Variants in RBFOX1 observed in about 807,000 individuals in gnomAD.
The protein encoded by RBFOX1 is RNA binding fox-1 homolog 1.
RBFOX1 carries 8 observed loss-of-function variants against 57.7 expected under a neutral mutation model. That is an observed-to-expected ratio of 0.14 (90% CI 0.08 to 0.25). The LOEUF is 0.25. Ranked by LOEUF, RBFOX1 falls within the 10% of genes least tolerant of loss-of-function variation. The pLI is 1.00. For missense variants in RBFOX1, 611 were observed against 548.5 expected, an observed-to-expected ratio of 1.11 and a Z score of -1.14; for synonymous variants, 326 against 222.4, an observed-to-expected ratio of 1.47 and a Z score of -4.15.
rs182102940 is a variant in RBFOX1 at position 5,271,082 on chromosome 16, T to A, written c.219+30977T>A. On this transcript the variant is annotated intron_variant, in intron 1 of 2. Coordinates refer to the RBFOX1 transcript ENST00000585867. ...CCTGTAATCCTAGCTACTCAGGAGGTTGAGGCATGAGAATCACTTGAACCT... is the reference window on the plus strand; with the variant it reads ...CCTGTAATCCTAGCTACTCAGGAGGATGAGGCATGAGAATCACTTGAACCT... 301 of 178,550 alleles carry A rather than the reference T, an allele frequency of 1.7e-3. 2 individuals are homozygous for A. Among genetic ancestry groups the A allele is most frequent in the African/African-American group, 7.6e-3 (284 of 37,500 alleles). The allele number at this position is 178,550 out of a possible 1,614,324, so 11.1% of individuals were successfully genotyped here.
At chr16:6,723,285 C>T (rs2066414702) in intron 3 of RBFOX1, among the ~76,000 whole-genome samples, 1 of 152,300 alleles carries the variant, frequency 6.6e-6, no homozygotes, top group African/African-American at 2.4e-5. Flanking sequence ...CCTGGACAAT[C>T]ATTTAATATA....
At chr16:6,708,585 C>A (rs1430368578) in intron 3 of RBFOX1, among the ~76,000 whole-genome samples, 2 of 152,168 alleles carry the variant, frequency 1.3e-5, no homozygotes. Flanking sequence ...ATTGCTTTTA[C>A]TGAAGGGAAA....
At chr16:6,689,458 G>A (rs1394330829) in intron 3 of RBFOX1, among the ~76,000 whole-genome samples, 1 of 152,062 alleles carries the variant, frequency 6.6e-6, no homozygotes, top group Admixed American at 6.6e-5. Flanking sequence ...CTTCTCATGT[G>A]TTTTAAATAC....
chr16:5,827,405 A>G (rs921219236), intron 3 of RBFOX1, among the ~76,000 whole-genome samples: 36 of 147,848 alleles, frequency 2.4e-4, no homozygotes, highest in Admixed American at 1.0e-3. Flanking sequence ...ATCTCAGGGA[A>G]AAAAAAAAAA....
chr16:7,628,607 C>G (rs954389561), intron 10 of RBFOX1, among the ~76,000 whole-genome samples: 4 of 152,034 alleles, frequency 2.6e-5, no homozygotes, highest in Admixed American at 2.0e-4. Flanking sequence ...TCATCTCATA[C>G]GTTGTGATAA....
At chr16:7,082,497 G>A (rs567652590) in intron 4 of RBFOX1, among the ~76,000 whole-genome samples, 4 of 151,514 alleles carry the variant, frequency 2.6e-5, no homozygotes, top group Admixed American at 6.6e-5. Context: ...TGGGAGGATC[G>A]CTTGAGCCTG....
chr16:7,259,396 C>G (rs1319839246), intron 4 of RBFOX1, among the ~76,000 whole-genome samples: 1 of 152,000 alleles, frequency 6.6e-6, no homozygotes, highest in South Asian at 2.1e-4. Flanking sequence ...ATAAGATATT[C>G]CTAGGGCAGG....
chr16:7,636,560 T>C (rs2061790669), intron 11 of RBFOX1, among the ~76,000 whole-genome samples: 2 of 152,314 alleles, frequency 1.3e-5, no homozygotes, highest in South Asian at 4.1e-4. Flanking sequence ...CATAGGCAAA[T>C]GTATCTGTCT....
At chr16:7,244,841 C>T (rs557632157) in intron 4 of RBFOX1, among the ~76,000 whole-genome samples, 2 of 152,284 alleles carry the variant, frequency 1.3e-5, no homozygotes, top group East Asian at 3.9e-4. Context: ...CCCACTTCTG[C>T]TCATGATGGG....
At chr16:5,432,559 G>GTTTTTTTTTTTTTTTGTTTTTTTCT (rs2067781309) in intron 1 of RBFOX1, among the ~76,000 whole-genome samples, 1 of 94,222 alleles carries the variant, frequency 1.1e-5, no homozygotes, top group Non-Finnish European at 2.0e-5. Flanking sequence ...TTGTTTGTTT[G>GTTTTTTTTTTTTTTTGTTTTTTTCT]TTTTTTTTTT....
At chr16:6,606,115 G>GA (rs71145258) in intron 2 of RBFOX1, among the ~76,000 whole-genome samples, 137 of 150,522 alleles carry the variant, frequency 9.1e-4, no homozygotes, top group African/African-American at 2.8e-3. Context: ...TCTCAAAAAA[G>GA]AAAAAAAAAG....
intron 4 of RBFOX1, among the ~76,000 whole-genome samples, chr16:5,919,532 C>T (rs1333098408): frequency 6.6e-6 from 1 of 151,982 alleles, no homozygotes; most frequent in African/African-American, 2.4e-5. Context: ...TTAGTAGAGA[C>T]GGGGTTTCCC....
intron 2 of RBFOX1, among the ~76,000 whole-genome samples, chr16:6,594,633 A>C (rs1017111518): frequency 6.6e-6 from 1 of 152,144 alleles, no homozygotes; most frequent in Non-Finnish European, 1.5e-5. Context: ...CTAGGACCCT[A>C]AATAAGTATG....
chr16:5,711,626 G>A (rs1429805305), intron 3 of RBFOX1, among the ~76,000 whole-genome samples: 1 of 152,216 alleles, frequency 6.6e-6, no homozygotes, highest in African/African-American at 2.4e-5. Context: ...CTTTGGGTGA[G>A]ATGGGACTGG....
At chr16:5,756,498 T>G (rs991155415) in intron 3 of RBFOX1, among the ~76,000 whole-genome samples, 1 of 152,140 alleles carries the variant, frequency 6.6e-6, no homozygotes, top group Non-Finnish European at 1.5e-5. Context: ...TCTTACCTCC[T>G]TCTCCATCCA....
At chr16:6,086,995 G>A (rs2096095365) in intron 1 of RBFOX1, among the ~76,000 whole-genome samples, 1 of 152,154 alleles carries the variant, frequency 6.6e-6, no homozygotes, top group Non-Finnish European at 1.5e-5. Context: ...TCACTCAAGA[G>A]GAACCCTTCT....
In RBFOX1 at chr16:6,400,955, A is replaced by G. The variant is rs77823695; in HGVS notation, c.-64+83898A>G. ...TTGGATTGAAATTGGAGCTATCAGT[A>G]TCAATTTAGTTTTTTTAAAGTATAT... On this transcript the variant is annotated intron_variant, in intron 2 of 15. Transcript: ENST00000550418. Among the ~76,000 whole-genome samples, 1,312 of 152,328 alleles carry G rather than the reference A, an allele frequency of 8.6e-3. 15 individuals carry two copies. The highest frequency in any genetic ancestry group is 0.029 in the African/African-American group (1,222 of 41,566).
At chr16:5,284,539 C>CTT (rs67592139) in intron 1 of RBFOX1, among the ~76,000 whole-genome samples, 1 of 134,438 alleles carries the variant, frequency 7.4e-6, no homozygotes, top group Non-Finnish European at 1.6e-5. Context: ...AATATTTTTT[C>CTT]TTTTTTTTTT....
intron 2 of RBFOX1, among the ~76,000 whole-genome samples, chr16:6,502,829 C>T (rs536945365): frequency 1.3e-5 from 2 of 152,242 alleles, no homozygotes; most frequent in African/African-American, 4.8e-5. Flanking sequence ...ATTCTATTCT[C>T]GCTGGTTCTG....
Sources: allele counts gnomAD v4.1 joint callset (sites outside exome capture counted in the v4.1 genomes callset), GRCh38; gene constraint gnomAD v4.1.1; transcripts MANE v1.5; gene names NCBI Gene and HGNC (gene_info 2026-07-23, HGNC 2026-07-21).